KHDRBS2: variants seen among roughly 807,000 people sequenced by gnomAD.
KHDRBS2 encodes KH domain-containing, RNA-binding, signal transduction-associated protein 2.
In KHDRBS2, 26 loss-of-function variants were observed where a neutral mutation model predicts 44.3. The ratio of observed to expected loss-of-function variants is 0.59; its 90% CI spans 0.43 to 0.81. The LOEUF (loss-of-function observed/expected upper bound fraction) is 0.81, where lower values mean the gene tolerates loss of function less well. Ranked by LOEUF, KHDRBS2 falls within the 40% of genes least tolerant of loss-of-function variation. The probability of loss-of-function intolerance (pLI) is 0.00; values close to 1 mark genes in which losing one functional copy is unlikely to be tolerated. For synonymous variants in KHDRBS2, 194 were observed against 151.1 expected, an observed-to-expected ratio of 1.28 and a Z score of -2.08; for missense variants, 476 against 433.1, an observed-to-expected ratio of 1.10 and a Z score of -0.88.
chr6:61,575,765 A>G, the KHDRBS2 span, among the ~76,000 whole-genome samples: 2 of 152,174 alleles, frequency 1.3e-5, no homozygotes, highest in Middle Eastern at 3.2e-3. Flanking sequence ...ATAGAATACT[A>G]CTCAGATATA....
At position 62,129,358 on chromosome 6, in the gene KHDRBS2, G is replaced by GA. The variant is rs1422258462; in HGVS notation, c.219+47826dup. On this transcript the variant is annotated intron_variant, in intron 2 of 8. Coordinates refer to ENST00000281156, the MANE Select transcript of KHDRBS2 (RefSeq NM_152688.4). ...CAACATCCATCACAGGTACAGAGAG[G>GA]AAAGTTCCAAGGTGAAAAAAAGTGC... is the stretch of plus-strand genomic sequence containing the variant. Among the ~76,000 whole-genome samples, 5 of 151,982 alleles carry GA rather than the reference G, an allele frequency of 3.3e-5. No individual in the cohort carries two copies. In the East Asian group the frequency reaches 9.6e-4, roughly 29 times the overall value.
rs1772510748 is a variant in KHDRBS2 at position 61,721,395 on chromosome 6, T to G, written c.893+11287A>C. ...AGTATGGCCATTTTCACGATATTGA[T>G]TCTTCCTACCCATGAGCATGGAATG... On this transcript the variant is annotated intron_variant, in intron 7 of 8. Coordinates refer to ENST00000281156, the MANE Select transcript of KHDRBS2 (RefSeq NM_152688.4). Among the ~76,000 whole-genome samples, 5 of 151,858 alleles carry G rather than the reference T, an allele frequency of 3.3e-5. No individual in the cohort carries two copies. The South Asian group carries it at 1.0e-3, about 32-fold the overall frequency.
the KHDRBS2 span, among the ~76,000 whole-genome samples, chr6:61,641,604 G>A: frequency 1.3e-5 from 2 of 152,086 alleles, no homozygotes. Context: ...CTTTTCATGT[G>A]TATCTTTCTT....
the KHDRBS2 span, among the ~76,000 whole-genome samples, chr6:61,612,175 A>G: frequency 6.6e-6 from 1 of 152,180 alleles, no homozygotes; most frequent in South Asian, 2.1e-4. Flanking sequence ...GAAAGCATAT[A>G]TGTTCAGTAT....
chr6:62,234,593 C>T (rs895149894), intron 1 of KHDRBS2, among the ~76,000 whole-genome samples: 6 of 152,156 alleles, frequency 3.9e-5, no homozygotes, highest in African/African-American at 1.4e-4. Flanking sequence ...GTGAAGAATG[C>T]TAGTTTGAAA....
At chr6:62,161,716 G>A (rs954210767) in intron 2 of KHDRBS2, among the ~76,000 whole-genome samples, 1 of 151,074 alleles carries the variant, frequency 6.6e-6, no homozygotes, top group Non-Finnish European at 1.5e-5. Flanking sequence ...TGGCATTATT[G>A]TCTTCTTTTA....
intron 6 of KHDRBS2, among the ~76,000 whole-genome samples, chr6:61,866,048 A>G (rs142576663): frequency 6.6e-5 from 10 of 152,252 alleles, no homozygotes; most frequent in East Asian, 1.9e-4. Flanking sequence ...TGGATCTACT[A>G]TTCTGGGCTC....
the KHDRBS2 span, among the ~76,000 whole-genome samples, chr6:61,582,565 C>T: frequency 6.6e-6 from 1 of 151,600 alleles, no homozygotes; most frequent in African/African-American, 2.4e-5. Context: ...ATTTCTATAT[C>T]ATACAAAATG....
intron 4 of KHDRBS2, among the ~76,000 whole-genome samples, chr6:61,957,294 C>T (rs1239644017): frequency 6.6e-6 from 1 of 152,066 alleles, no homozygotes; most frequent in Non-Finnish European, 1.5e-5. Flanking sequence ...GAAATCTGGG[C>T]ACCTTGATAA....
Position 62,196,489 on chromosome 6 carries a change from G to A in KHDRBS2, c.92-19177C>T, listed in dbSNP as rs1825732674. Among the ~76,000 whole-genome samples, 5 of 152,054 alleles carry A rather than the reference G, an allele frequency of 3.3e-5. No homozygotes were observed. In the South Asian group the frequency reaches 1.0e-3, roughly 31 times the overall value. ...CAAAAGGTTATGCTCACATTTGTGT[G>A]GGCATCCATTCCCAAACCACCAAGC... On this transcript the variant is annotated intron_variant, in intron 1 of 8. Coordinates refer to ENST00000281156, the MANE Select transcript of KHDRBS2 (RefSeq NM_152688.4).
At chr6:62,041,666 G>A (rs778794476) in intron 3 of KHDRBS2, among the ~76,000 whole-genome samples, 2 of 152,036 alleles carry the variant, frequency 1.3e-5, no homozygotes, top group Non-Finnish European at 2.9e-5. Flanking sequence ...ATAAAACTTG[G>A]TTTATGGCTG....
At chr6:61,990,601 A>G (rs1366356299) in intron 3 of KHDRBS2, among the ~76,000 whole-genome samples, 2 of 152,230 alleles carry the variant, frequency 1.3e-5, no homozygotes, top group Non-Finnish European at 2.9e-5. Context: ...ATTTGAATTT[A>G]GAAATAAGAA....
chr6:61,698,114 A>G (rs1389333076), intron 7 of KHDRBS2, among the ~76,000 whole-genome samples: 5 of 152,134 alleles, frequency 3.3e-5, no homozygotes, highest in Non-Finnish European at 7.3e-5. Context: ...TAACATTTTC[A>G]CATTCAATGG....
rs141647872 is a variant in KHDRBS2, at chr6:61,989,955, G to A, written c.337-11743C>T. On this transcript the variant is annotated intron_variant, in intron 3 of 8. Transcript: ENST00000281156. ...GAGGAATTGGTGTATAAATAGGCAAGGTTGTTCAACCCTTGCATGGGCTAA... is the reference window on the plus strand; with the variant it reads ...GAGGAATTGGTGTATAAATAGGCAAAGTTGTTCAACCCTTGCATGGGCTAA... Among the ~76,000 whole-genome samples, 322 of 152,282 alleles carry A rather than the reference G, an allele frequency of 2.1e-3. 1 individual carries two copies. Among genetic ancestry groups the A allele is most frequent in the African/African-American group, 7.3e-3 (302 of 41,560 alleles).
At chr6:61,878,098 CA>C (rs1799697313) in intron 6 of KHDRBS2, among the ~76,000 whole-genome samples, 1 of 151,828 alleles carries the variant, frequency 6.6e-6, no homozygotes, top group Non-Finnish European at 1.5e-5. Flanking sequence ...TAGTGTTTCC[CA>C]TAGTTCCCTC....
At chr6:62,118,110 G>A (rs1384277737) in intron 2 of KHDRBS2, among the ~76,000 whole-genome samples, 5 of 152,164 alleles carry the variant, frequency 3.3e-5, no homozygotes, top group Admixed American at 3.3e-4. Flanking sequence ...AGAGATAGGT[G>A]TCTAGTTTCT....
intron 4 of KHDRBS2, among the ~76,000 whole-genome samples, chr6:61,957,339 G>T (rs563050743): frequency 4.2e-4 from 64 of 152,292 alleles, no homozygotes; most frequent in African/African-American, 1.5e-3. Flanking sequence ...AGGGAACAAG[G>T]GAGATAACCT....
intron 4 of KHDRBS2, among the ~76,000 whole-genome samples, chr6:61,949,791 A>T (rs536196078): frequency 2.7e-4 from 41 of 152,214 alleles, no homozygotes; most frequent in Non-Finnish European, 5.0e-4. Flanking sequence ...ATTATCAGGA[A>T]TAAATATTTT....
intron 8 of KHDRBS2, among the ~76,000 whole-genome samples, chr6:61,692,725 A>G (rs1767505140): frequency 6.6e-6 from 1 of 152,168 alleles, no homozygotes; most frequent in Admixed American, 6.6e-5. Context: ...GAGGAAGTCC[A>G]AATGAGAAGC....
Sources: gnomAD v4.1 joint callset for allele counts (sites outside exome capture counted in the v4.1 genomes callset) on GRCh38, gnomAD v4.1.1 for gene constraint, MANE v1.5 for transcripts, NCBI Gene and HGNC (gene_info 2026-07-23, HGNC 2026-07-21) for gene names.